PALM2AKAP2: variants seen among roughly 807,000 people sequenced by gnomAD.
PALM2AKAP2 encodes the protein PALM2-AKAP2 fusion protein.
Under a neutral mutation model 71.5 loss-of-function variants are expected in PALM2AKAP2, and 37 were observed. The ratio of observed to expected loss-of-function variants is 0.52; its 90% CI spans 0.40 to 0.68. PALM2AKAP2 has a LOEUF of 0.68. Among genes scored for constraint, PALM2AKAP2 ranks in the 30% least tolerant of loss-of-function variants. The pLI, the probability that PALM2AKAP2 is intolerant of heterozygous loss-of-function variation, is 0.00. For missense variants in PALM2AKAP2, 1,224 were observed against 1,191.8 expected, an observed-to-expected ratio of 1.03 and a Z score of -0.40; for synonymous variants, 468 against 478.8, an observed-to-expected ratio of 0.98 and a Z score of 0.29.
At chr9:109,750,810 A>C (rs1828878178) in intron 1 of PALM2AKAP2, among the ~76,000 whole-genome samples, 1 of 152,214 alleles carries the variant, frequency 6.6e-6, no homozygotes, top group African/African-American at 2.4e-5. Context: ...TTTGTAAGAT[A>C]TAGTATGGTC....
At chr9:109,822,005 A>G (rs1828019635) in intron 1 of PALM2AKAP2, among the ~76,000 whole-genome samples, 1 of 152,228 alleles carries the variant, frequency 6.6e-6, no homozygotes, top group Non-Finnish European at 1.5e-5. Flanking sequence ...CTGCCCATGC[A>G]GCTAATCAGA....
In PALM2AKAP2 at chr9:109,724,924, A is replaced by C. The variant is rs140857432; in HGVS notation, c.6-55564A>C. 4.8e-3 allele frequency among the ~76,000 whole-genome samples: 725 copies of C among 152,372 alleles called. 14 individuals carry two copies. Among genetic ancestry groups the C allele is most frequent in the African/African-American group, 0.016 (669 of 41,590 alleles). ...ATCCTGAAAAAAACAGTGTTAAATG[A>C]AAAGCGAAAAGCTAGGAAAATATTT... is the stretch of plus-strand genomic sequence containing the variant. On this transcript the variant is annotated intron_variant, in intron 1 of 6. Coordinates refer to the PALM2AKAP2 transcript ENST00000374531.
At chr9:110,103,040 C>A (rs1327234788) in intron 1 of PALM2AKAP2, among the ~76,000 whole-genome samples, 1 of 152,186 alleles carries the variant, frequency 6.6e-6, no homozygotes, top group Admixed American at 6.5e-5. Context: ...TCTACCCACC[C>A]TTTGTGACTT....
At chr9:109,902,068 C>T (rs556697802) in intron 3 of PALM2AKAP2, among the ~76,000 whole-genome samples, 11 of 152,230 alleles carry the variant, frequency 7.2e-5, no homozygotes, top group Non-Finnish European at 1.6e-4. Flanking sequence ...AAAGACTGAG[C>T]AGGATCTTAT....
chr9:110,004,524 C>T (rs1200729673), intron 6 of PALM2AKAP2, among the ~76,000 whole-genome samples: 1 of 152,084 alleles, frequency 6.6e-6, no homozygotes, highest in Non-Finnish European at 1.5e-5. Context: ...TTGCTCTTCT[C>T]GAGGAGTATC....
intron 1 of PALM2AKAP2, among the ~76,000 whole-genome samples, chr9:110,109,936 C>T (rs1323142215): frequency 6.6e-6 from 1 of 152,044 alleles, no homozygotes; most frequent in African/African-American, 2.4e-5. Flanking sequence ...GAGGGACTGG[C>T]TGGAGGGGAG....
chr9:110,113,707 A>G (rs947132935), intron 1 of PALM2AKAP2, among the ~76,000 whole-genome samples: 3 of 151,778 alleles, frequency 2.0e-5, no homozygotes, highest in Non-Finnish European at 4.4e-5. Flanking sequence ...AATTTTTTGT[A>G]TTTTTAGTAG....
rs1350034409 is a variant in PALM2AKAP2, at chr9:109,770,414, A to G, written c.6-10074A>G. On this transcript the variant is annotated intron_variant, in intron 1 of 6. Coordinates refer to the PALM2AKAP2 transcript ENST00000374531. ...GTCTATAGTTCTTACCAGATTCTTG[A>G]AAGGATTCTGTGAACTCTTCTCCCC... is the stretch of plus-strand genomic sequence containing the variant. 6.6e-5 allele frequency among the ~76,000 whole-genome samples: 10 copies of G among 152,142 alleles called. No individual in the cohort carries two copies. In the East Asian group the frequency reaches 1.9e-3, roughly 29 times the overall value.
chr9:109,645,375 T>G (rs1827135375), intron 1 of PALM2AKAP2, among the ~76,000 whole-genome samples: 2 of 152,148 alleles, frequency 1.3e-5, no homozygotes, highest in African/African-American at 4.8e-5. Flanking sequence ...ACCAGGTGCT[T>G]TCCAACACAT....
chr9:110,138,407 G>A, exon 2 of PALM2AKAP2: 2 of 1,614,252 alleles, frequency 1.2e-6, no homozygotes, highest in South Asian at 1.1e-5. Flanking sequence ...CATGATTGAG[G>A]AAGAGATCCG....
chr9:109,866,527 A>G (rs1273906434), intron 1 of PALM2AKAP2, among the ~76,000 whole-genome samples: 2 of 152,232 alleles, frequency 1.3e-5, no homozygotes, highest in Non-Finnish European at 2.9e-5. Context: ...GAAGAAAAAT[A>G]TGAAGGGTAC....
chr9:109,642,435 T>A (rs13292363), intron 1 of PALM2AKAP2, among the ~76,000 whole-genome samples: 1 of 150,662 alleles, frequency 6.6e-6, no homozygotes, highest in Non-Finnish European at 1.5e-5. Flanking sequence ...TATCTATTAT[T>A]ATTAGGTTGG....
intron 1 of PALM2AKAP2, chr9:109,640,916 C>T: frequency 6.7e-7 from 1 of 1,487,278 alleles, no homozygotes; most frequent in Admixed American, 2.3e-5. Context: ...CGGCATGTTG[C>T]CATGGTGACC....
intron 2 of PALM2AKAP2, among the ~76,000 whole-genome samples, chr9:110,154,242 C>T (rs73534853): frequency 0.16 from 23,996 of 152,026 alleles, 1,977 homozygotes; most frequent in African/African-American, 0.2. Flanking sequence ...ATCATCATAC[C>T]CATTTTACTG....
chr9:109,697,592 A>G (rs371838880), intron 1 of PALM2AKAP2, among the ~76,000 whole-genome samples: 119 of 152,322 alleles, frequency 7.8e-4, no homozygotes, highest in African/African-American at 2.7e-3. Context: ...GTTTAGGATA[A>G]TATCATTTAT....
chr9:109,727,771 C>T (rs760421681), intron 1 of PALM2AKAP2, among the ~76,000 whole-genome samples: 16 of 152,204 alleles, frequency 1.1e-4, no homozygotes, highest in Admixed American at 2.0e-4. Flanking sequence ...ATTGCAAATA[C>T]GTGAAGTTTT....
intron 1 of PALM2AKAP2, among the ~76,000 whole-genome samples, chr9:110,062,314 G>T (rs1462412315): frequency 6.6e-6 from 1 of 151,920 alleles, no homozygotes; most frequent in Non-Finnish European, 1.5e-5. Flanking sequence ...TCATTGTTCA[G>T]CTCTCACTTG....
At chr9:110,071,163 C>CAAAAAAA (rs768229567) in intron 1 of PALM2AKAP2, among the ~76,000 whole-genome samples, 44 of 101,818 alleles carry the variant, frequency 4.3e-4, no homozygotes, top group East Asian at 8.5e-4. Context: ...GACTCTGTTT[C>CAAAAAAA]AAAAAAAAAA....
chr9:109,822,046 A>G (rs1367679138), intron 1 of PALM2AKAP2, among the ~76,000 whole-genome samples: 1 of 152,232 alleles, frequency 6.6e-6, no homozygotes, highest in Non-Finnish European at 1.5e-5. Flanking sequence ...CAGACTTATC[A>G]TTGCATGTTA....
Sources: allele counts gnomAD v4.1 joint callset (sites outside exome capture counted in the v4.1 genomes callset), GRCh38; gene constraint gnomAD v4.1.1; transcripts MANE v1.5; gene names NCBI Gene and HGNC (gene_info 2026-07-23, HGNC 2026-07-21).